Variants in KALRN observed in about 807,000 individuals in gnomAD.
The protein encoded by KALRN is kalirin.
KALRN carries 70 observed loss-of-function variants against 353.7 expected under a neutral mutation model. The observed-to-expected ratio is 0.20, with a 90% confidence interval of 0.16 to 0.24. The LOEUF is 0.24. KALRN is among the 10% of genes least tolerant of loss of function. KALRN has a pLI of 1.00. For missense variants in KALRN, 2,791 were observed against 3,756.7 expected, an observed-to-expected ratio of 0.74 and a Z score of 6.72; for synonymous variants, 1,391 against 1,434.8, an observed-to-expected ratio of 0.97 and a Z score of 0.69.
At position 124,240,510 on chromosome 3, in the gene KALRN, C is replaced by T. The variant is rs374671060; in HGVS notation, c.263+5567C>T. Among the ~76,000 whole-genome samples the T allele has an allele frequency of 2.0e-5, 3 of 152,248 alleles. No homozygotes were observed. The South Asian group carries it at 6.2e-4, about 32-fold the overall frequency. ...GAGAGGAGAGCTTTGTGAGAGGCTG[C>T]CTGACAGGAACTGTGGCCTTCAGTG... On this transcript the variant is annotated intron_variant, in intron 3 of 59. Transcript: ENST00000682506.
chr3:124,705,169 T>A (rs1158788648), intron 57 of KALRN, among the ~76,000 whole-genome samples: 1 of 152,172 alleles, frequency 6.6e-6, no homozygotes. Flanking sequence ...CTATACCCAT[T>A]GCTATATAAA....
intron 14 of KALRN, among the ~76,000 whole-genome samples, chr3:124,414,256 T>C (rs1050553060): frequency 1.6e-4 from 24 of 152,164 alleles, no homozygotes; most frequent in African/African-American, 5.6e-4. Flanking sequence ...CTTTAAAAAA[T>C]GGTAGCCTGG....
chr3:124,224,257 T>A (rs1293126905), intron 1 of KALRN, among the ~76,000 whole-genome samples: 1 of 151,084 alleles, frequency 6.6e-6, no homozygotes, highest in Non-Finnish European at 1.5e-5. Context: ...GAAACAGGTC[T>A]ATGATTGGTC....
chr3:124,419,731 A>G (rs2092691284), intron 14 of KALRN, among the ~76,000 whole-genome samples: 1 of 152,232 alleles, frequency 6.6e-6, no homozygotes, highest in Non-Finnish European at 1.5e-5. Context: ...GTATGGGCAC[A>G]GGAAATTGTG....
Position 124,725,079 on chromosome 3 carries a change from C to T in KALRN, c.*5609C>T, listed in dbSNP as rs768686150. On this transcript the variant is annotated 3_prime_UTR_variant, in exon 60 of 60. Transcript: ENST00000682506. ...TGCCAACTCCTGAGGCTTAGTTTAA[C>T]CAAGCTAATTTGTTGGCCCAGGGAT... is the stretch of plus-strand genomic sequence containing the variant. 1 of 152,182 alleles carries T rather than the reference C, an allele frequency of 6.6e-6. No homozygotes were observed. The highest frequency in any genetic ancestry group is 1.5e-5 in the Non-Finnish European group (1 of 68,024). 9.4% of individuals were successfully genotyped at this position (152,182 alleles called of 1,614,324 possible). A position where few individuals can be genotyped will look rare whatever the true frequency, so the allele number is the denominator to read the frequency against.
At chr3:124,244,728 G>T (rs896229665) in intron 3 of KALRN, among the ~76,000 whole-genome samples, 1 of 152,154 alleles carries the variant, frequency 6.6e-6, no homozygotes, top group African/African-American at 2.4e-5. Flanking sequence ...CAGAAGTTCA[G>T]TGTTGTAAGT....
chr3:124,501,122 A>G (rs2064476320), intron 33 of KALRN, among the ~76,000 whole-genome samples: 2 of 152,190 alleles, frequency 1.3e-5, no homozygotes, highest in East Asian at 1.9e-4. Context: ...TAGTTGGGAT[A>G]CTCTCCATCT....
chr3:124,152,651 T>C (rs1195622091), intron 1 of KALRN: 1 of 583,018 alleles, frequency 1.7e-6, no homozygotes, highest in Non-Finnish European at 3.0e-6. Flanking sequence ...TGGAGTGCAG[T>C]GGTGCAATCG....
chr3:124,618,008 C>T (rs559597650), intron 34 of KALRN, among the ~76,000 whole-genome samples: 1 of 146,978 alleles, frequency 6.8e-6, no homozygotes, highest in African/African-American at 2.5e-5. Flanking sequence ...CAGTCTGGAG[C>T]TGTTATGTAG....
intron 1 of KALRN, among the ~76,000 whole-genome samples, chr3:124,218,878 G>A (rs1188545757): frequency 6.6e-6 from 1 of 152,196 alleles, no homozygotes; most frequent in Non-Finnish European, 1.5e-5. Context: ...GATCTTTAAT[G>A]GAGCTAATTT....
chr3:124,631,734 A>G (rs2080807715), intron 34 of KALRN, among the ~76,000 whole-genome samples: 1 of 152,210 alleles, frequency 6.6e-6, no homozygotes, highest in East Asian at 1.9e-4. Flanking sequence ...GCCAGATTGA[A>G]TCACTCTGGC....
intron 3 of KALRN, among the ~76,000 whole-genome samples, chr3:124,237,748 A>G (rs954364885): frequency 1.3e-5 from 2 of 152,132 alleles, no homozygotes; most frequent in African/African-American, 2.4e-5. Context: ...TAGATTGAGG[A>G]TTTGTGGTGA....
At chr3:124,646,863 ATAGT>A (rs2082823996) in intron 37 of KALRN, among the ~76,000 whole-genome samples, 1 of 152,142 alleles carries the variant, frequency 6.6e-6, no homozygotes, top group African/African-American at 2.4e-5. Flanking sequence ...TAAAAATAGT[ATAGT>A]TAATCACAGA....
At chr3:124,659,539 C>G (rs333297) in intron 43 of KALRN, 82 bp downstream of exon 43, 597,923 of 940,042 alleles carry the variant, frequency 0.64, 195,785 homozygotes, top group African/African-American at 0.93. Context: ...GTAGAGCTAG[C>G]GGTTCTGTCT....
intron 7 of KALRN, among the ~76,000 whole-genome samples, chr3:124,327,513 T>C (rs923306860): frequency 6.0e-4 from 92 of 152,230 alleles, no homozygotes; most frequent in Non-Finnish European, 3.1e-4. Context: ...TGTTGTTCTC[T>C]GTAAATTGTG....
chr3:124,365,877 G>T (rs1247303055), intron 10 of KALRN, among the ~76,000 whole-genome samples: 1 of 152,190 alleles, frequency 6.6e-6, no homozygotes, highest in Non-Finnish European at 1.5e-5. Flanking sequence ...TCAGACATAG[G>T]CTCTAGGGGT....
At chr3:124,496,277 C>A (rs1471316041) in intron 32 of KALRN, 34 bp from the exon 33 acceptor site, 2 of 1,552,216 alleles carry the variant, frequency 1.3e-6, no homozygotes, top group Non-Finnish European at 1.8e-6. Flanking sequence ...TTCCCCCCAC[C>A]CCCACCCCTG....
At chr3:124,200,181 T>C (rs2075825097) in intron 1 of KALRN, among the ~76,000 whole-genome samples, 1 of 152,192 alleles carries the variant, frequency 6.6e-6, no homozygotes, top group Admixed American at 6.5e-5. Flanking sequence ...CCTAACCTGG[T>C]GCTACCACTA....
intron 34 of KALRN, among the ~76,000 whole-genome samples, chr3:124,587,799 G>A (rs1205581883): frequency 1.4e-5 from 2 of 144,336 alleles, no homozygotes; most frequent in Non-Finnish European, 3.0e-5. Context: ...AGGATCTCCT[G>A]GGCTCCCACC....
Sources: gnomAD v4.1 joint callset for allele counts (sites outside exome capture counted in the v4.1 genomes callset) on GRCh38, gnomAD v4.1.1 for gene constraint, MANE v1.5 for transcripts, NCBI Gene and HGNC (gene_info 2026-07-23, HGNC 2026-07-21) for gene names.